The following CTH variants were observed in gnomAD, a reference collection of about 807,000 sequenced individuals.
CTH encodes cystathionine gamma-lyase.
A neutral mutation model predicts 50.6 loss-of-function variants in CTH; 41 were observed. The observed-to-expected ratio is 0.81, with a 90% CI of 0.63 to 1.05. CTH has a LOEUF of 1.05. CTH is among the 50% of genes least tolerant of loss of function. The pLI is 0.00. For missense variants in CTH, 470 were observed against 492.6 expected (o/e 0.95, Z 0.43); for synonymous variants, 156 against 168.9 (o/e 0.92, Z 0.59).
chr1:70,434,746 A>ATT lies in CTH; in HGVS notation c.1000-355_1000-354dup, dbSNP rs35606808. 2.0e-3 allele frequency: 261 copies of ATT among 131,524 alleles called. 2 individuals carry two copies. The highest frequency in any genetic ancestry group is 6.0e-3 in the East Asian group (26 of 4,332). The allele number at this position is 131,524 out of a possible 1,614,324, so 8.1% of individuals were successfully genotyped here. A position where few individuals can be genotyped will look rare whatever the true frequency, so the allele number is the denominator to read the frequency against. ...ACAGAGCAAAGTCTCAAATGCAATA[A>ATT]TTTTTTTTTTTTTTTTTTTTTTTTT... On this transcript the variant is annotated intron_variant, in intron 9 of 11. Transcript: ENST00000370938.
intron 11 of CTH, 46 bp downstream of exon 11, chr1:70,438,872 GC>G: frequency 6.2e-7 from 1 of 1,604,396 alleles, no homozygotes; most frequent in Non-Finnish European, 8.5e-7. Context: ...GTGTGTGTCT[GC>G]TTTATCTTGG....
chr1:70,411,692 G>A (rs1232439275), intron 1 of CTH, 109 bp downstream of exon 1: 1 of 1,481,970 alleles, frequency 6.7e-7, no homozygotes, highest in East Asian at 2.4e-5. Context: ...AAATTAGGAA[G>A]GCAACCGAAA....
chr1:70,413,776 C>T (rs1161171537), intron 1 of CTH, among the ~76,000 whole-genome samples: 1 of 136,480 alleles, frequency 7.3e-6, no homozygotes, highest in Non-Finnish European at 1.5e-5. Flanking sequence ...GAGTCTTGCT[C>T]TCTTGCCCAG....
In CTH at chr1:70,439,131, T is replaced by C. The variant is rs1179719115; in HGVS notation, c.*4T>C. The C allele has an allele frequency of 6.2e-7, 1 of 1,611,098 alleles. No homozygotes were observed. Among genetic ancestry groups the C allele is most frequent in the South Asian group, 1.1e-5 (1 of 91,006 alleles). On this transcript the variant is annotated 3_prime_UTR_variant, in exon 12 of 12. Coordinates refer to ENST00000370938, the MANE Select transcript of CTH (RefSeq NM_001902.6). ...TCCAAGTGGAAGTCACAGCTAGTAT[T>C]CCAGAGCTGCTATTAGAAGCTGCTT...
chr1:70,411,345 C>G lies in CTH; in HGVS notation c.-71C>G. The G allele has an allele frequency of 1.9e-6, 3 of 1,539,924 alleles. No individual in the cohort carries two copies. Among genetic ancestry groups the G allele is most frequent in the Non-Finnish European group, 2.7e-6 (3 of 1,112,674 alleles). On this transcript the variant is annotated 5_prime_UTR_variant, in exon 1 of 12. Coordinates refer to ENST00000370938, the MANE Select transcript of CTH (RefSeq NM_001902.6). ...CGCCTGATCCTTCTGTCTCTCCCAA[C>G]CCCGGACACCCGGCTTCGACTGGTT...
chr1:70,414,074 G>C (rs1038410513), intron 1 of CTH, among the ~76,000 whole-genome samples: 3 of 151,878 alleles, frequency 2.0e-5, no homozygotes, highest in Admixed American at 2.0e-4. Context: ...AATTTGAAGA[G>C]CTGAATGAGA....
chr1:70,419,433 C>G (rs1369693072), intron 3 of CTH, among the ~76,000 whole-genome samples: 3 of 152,160 alleles, frequency 2.0e-5, no homozygotes, highest in Non-Finnish European at 4.4e-5. Flanking sequence ...AGTTTACAGT[C>G]CCACCAACAG....
chr1:70,431,004 C>T (rs1022020617), intron 7 of CTH: 1 of 152,288 alleles, frequency 6.6e-6, no homozygotes, highest in Non-Finnish European at 1.5e-5. Flanking sequence ...TGGCAAAACC[C>T]TGTCTTTACC....
intron 5 of CTH, among the ~76,000 whole-genome samples, chr1:70,426,156 C>T (rs113162044): frequency 1.3e-5 from 2 of 152,210 alleles, no homozygotes; most frequent in African/African-American, 4.8e-5. Context: ...CTAGTTTCAT[C>T]CTCTTTTGTG....
At chr1:70,419,994 GTTT>G (rs1161753778) in intron 3 of CTH, among the ~76,000 whole-genome samples, 2 of 136,282 alleles carry the variant, frequency 1.5e-5, no homozygotes, top group Non-Finnish European at 3.2e-5. Context: ...GGACCGGCGT[GTTT>G]TTTTTTTTTT....
chr1:70,424,436 TTTGG>T lies in CTH; in HGVS notation c.588+21_588+24del. 1 of 1,613,618 alleles carries T rather than the reference TTTGG, an allele frequency of 6.2e-7. No individual in the cohort carries two copies. The highest frequency in any genetic ancestry group is 8.5e-7 in the Non-Finnish European group (1 of 1,179,716). On this transcript the variant is annotated intron_variant, in intron 5 of 11. Transcript: ENST00000370938. ...TTCCAGGTAAATGAAAATAATTTTTTTTGGCACAATTAGTAGACCACATATATCT... is the reference window on the plus strand; with the variant it reads ...TTCCAGGTAAATGAAAATAATTTTTTCACAATTAGTAGACCACATATATCT...
chr1:70,434,188 T>C (rs1474477978), intron 9 of CTH, among the ~76,000 whole-genome samples: 2 of 152,256 alleles, frequency 1.3e-5, no homozygotes, highest in Non-Finnish European at 2.9e-5. Flanking sequence ...CAGAGTATTC[T>C]AATGCATTTA....
chr1:70,415,894 A>C (rs1196363196), intron 1 of CTH, 62 bp from the exon 2 acceptor site: 2 of 876,796 alleles, frequency 2.3e-6, no homozygotes, highest in African/African-American at 1.6e-5. Flanking sequence ...ATAGTTCTCT[A>C]TGTTAGGACT....
intron 1 of CTH, among the ~76,000 whole-genome samples, chr1:70,413,000 CTTTT>C: frequency 6.6e-6 from 1 of 152,008 alleles, no homozygotes; most frequent in Non-Finnish European, 1.5e-5. Context: ...TTTTTTCCCC[CTTTT>C]GGTGGCATAC....
Position 70,411,271 on chromosome 1 carries a change from G to A in CTH, c.-145G>A. The A allele has an allele frequency of 1.2e-6, 1 of 829,554 alleles. No homozygotes were observed. Among genetic ancestry groups the A allele is most frequent in the South Asian group, 1.3e-5 (1 of 74,722 alleles). The allele number at this position is 829,554 out of a possible 1,614,324, so 51.4% of individuals were successfully genotyped here. A position where few individuals can be genotyped will look rare whatever the true frequency, so the allele number is the denominator to read the frequency against. ...TCCACCCCAACAATCGCTGTGTGCC[G>A]CTTTAGTGCGCTCGCCGTCGGCTCT... is the stretch of plus-strand genomic sequence containing the variant. On this transcript the variant is annotated 5_prime_UTR_variant, in exon 1 of 12. Transcript: ENST00000370938.
At chr1:70,428,876 G>A (rs956445614) in intron 5 of CTH, among the ~76,000 whole-genome samples, 13 of 152,144 alleles carry the variant, frequency 8.5e-5, no homozygotes, top group African/African-American at 3.1e-4. Context: ...GCCTCCCAAA[G>A]TATTGGGATT....
chr1:70,412,700 T>C (rs981955850), intron 1 of CTH, among the ~76,000 whole-genome samples: 4 of 152,206 alleles, frequency 2.6e-5, no homozygotes, highest in Non-Finnish European at 4.4e-5. Context: ...GGCAAGTTAG[T>C]TAACCTATCA....
At position 70,432,142 on chromosome 1, in the gene CTH, C is replaced by G. The variant is rs772177825; in HGVS notation, c.784C>G (p.Leu262Val). 9 of 1,613,990 alleles carry G rather than the reference C, an allele frequency of 5.6e-6. No individual in the cohort carries two copies. The highest frequency in any genetic ancestry group is 1.3e-5 in the African/African-American group (1 of 74,928). The change falls in exon 8 of 12, where the codon CTA becomes GTA. Residue 262 changes from leucine to valine, a missense_variant. Coordinates refer to ENST00000370938, the MANE Select transcript of CTH (RefSeq NM_001902.6). ...CCTCTGCAATCGAGGTCTGAAGACT[C>G]TACATGTCCGAATGGAAAAGCATTT... is the stretch of plus-strand genomic sequence containing the variant. The part of the protein sequence containing the change: ...CYLCNRGLKT[L>V]HVRMEKHFKN...
chr1:70,432,653 C>T (rs1038454679), intron 8 of CTH, among the ~76,000 whole-genome samples: 1 of 148,826 alleles, frequency 6.7e-6, no homozygotes, highest in Non-Finnish European at 1.5e-5. Context: ...ATATTAGGTG[C>T]TAAAATTCCC....
Sources: allele counts gnomAD v4.1 joint callset (sites outside exome capture counted in the v4.1 genomes callset), GRCh38; gene constraint gnomAD v4.1.1; transcripts MANE v1.5; gene names NCBI Gene and HGNC (gene_info 2026-07-23, HGNC 2026-07-21).